UNKL: variants seen among roughly 807,000 people sequenced by gnomAD.
UNKL encodes putative E3 ubiquitin-protein ligase UNKL.
Under a neutral mutation model 78.0 loss-of-function variants are expected in UNKL, and 60 were observed. That is an observed-to-expected ratio of 0.77 (90% confidence interval 0.63 to 0.95). The LOEUF is 0.95. Ranked by LOEUF, UNKL falls within the 40% of genes least tolerant of loss-of-function variation. UNKL has a pLI of 0.00. For missense variants in UNKL, 1,159 were observed against 1,045.7 expected (o/e 1.11, Z -1.49); for synonymous variants, 608 against 474.8 (o/e 1.28, Z -3.65).
intron 2 of UNKL, among the ~76,000 whole-genome samples, chr16:1,410,821 A>T (rs1467095221): frequency 6.6e-6 from 1 of 152,216 alleles, no homozygotes; most frequent in Non-Finnish European, 1.5e-5. Flanking sequence ...ATTTGCGGAA[A>T]ACAGTGGCTT....
At chr16:1,407,098 G>A (rs1297839541) in intron 2 of UNKL, among the ~76,000 whole-genome samples, 2 of 151,118 alleles carry the variant, frequency 1.3e-5, no homozygotes, top group African/African-American at 4.9e-5. Flanking sequence ...GCAGTGAGCC[G>A]AGATCGTGTC....
At position 1,370,093 on chromosome 16, in the gene UNKL, T is replaced by C. The variant is rs111469717; in HGVS notation, c.1585+37A>G. On this transcript the variant is annotated intron_variant, in intron 12 of 14. Transcript: ENST00000389221. Reference sequence around the variant, plus strand: ...TCTGGGAGGGAGCCCCACGGAGGCTTCACGGCAACGCCAGCATGGAGGGAG... The same window carrying C: ...TCTGGGAGGGAGCCCCACGGAGGCTCCACGGCAACGCCAGCATGGAGGGAG... The C allele has an allele frequency of 8.6e-5, 133 of 1,543,486 alleles. No homozygotes were observed. In the African/African-American group the frequency reaches 1.7e-3, roughly 20 times the overall value.
intron 11 of UNKL, among the ~76,000 whole-genome samples, chr16:1,371,217 G>A (rs2035808076): frequency 1.3e-5 from 2 of 152,324 alleles, no homozygotes; most frequent in South Asian, 4.1e-4. Context: ...CCACTTTGCT[G>A]GGACAAAGGT....
chr16:1,376,999 G>A (rs1021428842), intron 10 of UNKL, among the ~76,000 whole-genome samples: 8 of 151,920 alleles, frequency 5.3e-5, no homozygotes, highest in African/African-American at 1.9e-4. Context: ...GACGCCTGGG[G>A]TTCAGGTGCA....
At chr16:1,390,079 C>T (rs1248553047) in intron 9 of UNKL, among the ~76,000 whole-genome samples, 2 of 152,152 alleles carry the variant, frequency 1.3e-5, no homozygotes, top group Admixed American at 6.5e-5. Context: ...CTCCACCTCC[C>T]GGCTTCAAGC....
In UNKL at chr16:1,403,474, T is replaced by G. The variant is rs1596758235; in HGVS notation, c.288-130A>C. 8.6e-7 allele frequency: 1 copy of G among 1,161,978 alleles called. No individual in the cohort carries two copies. The highest frequency in any genetic ancestry group is 2.6e-5 in the East Asian group (1 of 38,812). The allele number at this position is 1,161,978 out of a possible 1,614,324, so 72.0% of individuals were successfully genotyped here. ...CTTCCCTTCTTCCAGATTCCTGTTC[T>G]AATCAGAAGGACGGACACACTGGAC... On this transcript the variant is annotated intron_variant, in intron 2 of 14. Coordinates refer to ENST00000389221, the MANE Select transcript of UNKL (RefSeq NM_001372107.1). This position sits in a 1 kb window ranked among gnomAD's most constrained non-coding sequence, Gnocchi z 4.8.
At chr16:1,398,504 G>A in intron 5 of UNKL, 2 of 1,272,462 alleles carry the variant, frequency 1.6e-6, no homozygotes, top group Non-Finnish European at 2.0e-6. Context: ...ATAACAACAA[G>A]GAGTGGGGCG....
chr16:1,409,375 C>G (rs992644724), intron 2 of UNKL, among the ~76,000 whole-genome samples: 4 of 148,026 alleles, frequency 2.7e-5, no homozygotes, highest in African/African-American at 1.0e-4. Context: ...ATGAGAAAGT[C>G]CCACTCCCGT....
chr16:1,393,100 TGCGGCAGA>T lies in UNKL; in HGVS notation c.938-132_938-125del, dbSNP rs1398397596. On this transcript the variant is annotated intron_variant, in intron 7 of 14. Coordinates refer to ENST00000389221, the MANE Select transcript of UNKL (RefSeq NM_001372107.1). Reference sequence around the variant, plus strand: ...CCTCGTCACAATCATCCCTCAGGGGTGCGGCAGAGGACGGCTGGGCAGTGGTGGGGACA... The same window carrying T: ...CCTCGTCACAATCATCCCTCAGGGGTGGACGGCTGGGCAGTGGTGGGGACA... 6 of 1,035,374 alleles carry T rather than the reference TGCGGCAGA, an allele frequency of 5.8e-6. No individual in the cohort carries two copies. The Admixed American group carries it at 6.1e-5, about 11-fold the overall frequency. 64.1% of individuals were successfully genotyped at this position (1,035,374 alleles called of 1,614,324 possible). A position where few individuals can be genotyped will look rare whatever the true frequency, so the allele number is the denominator to read the frequency against.
intron 9 of UNKL, among the ~76,000 whole-genome samples, chr16:1,388,062 G>T (rs970723646): frequency 6.6e-6 from 1 of 152,182 alleles, no homozygotes; most frequent in South Asian, 2.1e-4. Flanking sequence ...AGGCCCAGAG[G>T]CCACCTCCCA....
intron 10 of UNKL, among the ~76,000 whole-genome samples, chr16:1,384,506 T>G (rs2036733208): frequency 6.6e-6 from 1 of 151,984 alleles, no homozygotes; most frequent in African/African-American, 2.4e-5. Context: ...CCAGCCCAGG[T>G]GCTCACAGCT....
In UNKL at chr16:1,414,640, G is replaced by C. The variant is rs867486281; in HGVS notation, c.52C>G (p.Gln18Glu). 8.8e-7 allele frequency: 1 copy of C among 1,129,980 alleles called. No homozygotes were observed. Among genetic ancestry groups the C allele is most frequent in the Admixed American group, 4.5e-5 (1 of 22,300 alleles). 70.0% of individuals were successfully genotyped at this position (1,129,980 alleles called of 1,614,324 possible). Reference protein sequence around the residue: ...AAAALSGSPPQTEKPTHYRYL... With the variant: ...AAAALSGSPPETEKPTHYRYL... The stretch of plus-strand genomic sequence containing the variant: ...CTGTAGTGGGTCGGCTTCTCAGTCT[G>C]CGGGGGGGACCCGCTCAGCGCCGCT... The change falls in exon 1 of 15, where the codon CAG (glutamine) becomes GAG (glutamate). Residue 18 changes from glutamine to glutamate, a missense_variant. By Grantham distance (29) the Gln-to-Glu change is conservative. Coordinates refer to ENST00000389221, the MANE Select transcript of UNKL (RefSeq NM_001372107.1).
At chr16:1,380,167 C>T (rs1015346264) in intron 10 of UNKL, among the ~76,000 whole-genome samples, 2 of 152,246 alleles carry the variant, frequency 1.3e-5, no homozygotes, top group African/African-American at 4.8e-5. Context: ...TGGAACCTAT[C>T]AGATGGGTCT....
At chr16:1,413,363 G>A (rs1276908212) in intron 2 of UNKL, among the ~76,000 whole-genome samples, 2 of 151,596 alleles carry the variant, frequency 1.3e-5, no homozygotes, top group East Asian at 3.9e-4. Flanking sequence ...GAGGTTGGGA[G>A]TTCGAGACAA....
chr16:1,414,660 G>A lies in UNKL; in HGVS notation c.32C>T (p.Ala11Val), dbSNP rs1426163730. 2 of 1,147,470 alleles carry A rather than the reference G, an allele frequency of 1.7e-6. No individual in the cohort carries two copies. Among genetic ancestry groups the A allele is most frequent in the Non-Finnish European group, 2.2e-6 (2 of 922,116 alleles). The allele number at this position is 1,147,470 out of a possible 1,614,324, so 71.1% of individuals were successfully genotyped here. A position where few individuals can be genotyped will look rare whatever the true frequency, so the allele number is the denominator to read the frequency against. MPSVSKAAAA[A>V]LSGSPPQTEK... ...AGTCTGCGGGGGGGACCCGCTCAGC[G>A]CCGCTGCCGCCGCTTTCGAAACCGA... The change falls in exon 1 of 15, where the codon GCG becomes GTG. Residue 11 changes from alanine to valine, a missense_variant. Transcript: ENST00000389221.
intron 12 of UNKL, among the ~76,000 whole-genome samples, chr16:1,368,399 G>A (rs1477130920): frequency 2.0e-5 from 3 of 151,216 alleles, no homozygotes; most frequent in East Asian, 3.9e-4. Context: ...TCAGGAGATC[G>A]AGACCATCCT....
rs1362478282 is a variant in UNKL, at chr16:1,392,948, G to T, written c.966C>A (p.Gly322=). The T allele has an allele frequency of 6.4e-7, 1 of 1,550,578 alleles. No individual in the cohort carries two copies. The highest frequency in any genetic ancestry group is 2.4e-5 in the East Asian group (1 of 40,926). ...EKSLGMVNEW[G]CHDLHLTSPS... ...GACTCGTGAGGTGGAGGTCGTGACA[G>T]CCCCATTCATTCACCATCCCCAGGC... Residue 322 remains glycine, a synonymous_variant, in exon 8 of 15, where the codon GGC becomes GGA. Transcript: ENST00000389221.
In UNKL at chr16:1,399,057, G is replaced by GA. The variant is rs2037400228; in HGVS notation, c.734+316_734+317insT. The GA allele has an allele frequency of 5.0e-6, 7 of 1,398,288 alleles. No homozygotes were observed. The highest frequency in any genetic ancestry group is 1.4e-5 in the African/African-American group (1 of 69,128). 86.6% of individuals were successfully genotyped at this position (1,398,288 alleles called of 1,614,324 possible). A position where few individuals can be genotyped will look rare whatever the true frequency, so the allele number is the denominator to read the frequency against. Reference sequence around the variant, plus strand: ...AGCGTGGCTGCAACCAGAGGCACGGGTGGGGCACACGGGGGTCCCAGCTGG... The same window carrying GA: ...AGCGTGGCTGCAACCAGAGGCACGGGATGGGGCACACGGGGGTCCCAGCTGG... On this transcript the variant is annotated intron_variant, in intron 5 of 14. Coordinates refer to ENST00000389221, the MANE Select transcript of UNKL (RefSeq NM_001372107.1). The surrounding 1 kb of genome is among the most constrained non-coding windows in gnomAD (Gnocchi z 5.8).
chr16:1,370,337 A>T lies in UNKL; in HGVS notation c.1378T>A (p.Ser460Thr). The change falls in exon 12 of 15, where the codon TCT (serine) becomes ACT (threonine). Residue 460 changes from serine (S) to threonine (T), a missense_variant. By Grantham distance (58) the Ser-to-Thr change is moderately conservative. Coordinates refer to ENST00000389221, the MANE Select transcript of UNKL (RefSeq NM_001372107.1). ...GAGCCGGGGATGGCGACAGGTGCAG[A>T]GCCGGCCAGCGACCTGGGACCTGGC... Reference protein sequence around the residue: ...GAAGPRSLAGSAPVAIPGSLP... With the variant: ...GAAGPRSLAGTAPVAIPGSLP... 6.5e-7 allele frequency: 1 copy of T among 1,532,136 alleles called. No homozygotes were observed. Among genetic ancestry groups the T allele is most frequent in the Non-Finnish European group, 8.7e-7 (1 of 1,145,700 alleles). 94.9% of individuals were successfully genotyped at this position (1,532,136 alleles called of 1,614,324 possible). A position where few individuals can be genotyped will look rare whatever the true frequency, so the allele number is the denominator to read the frequency against.
Sources: allele counts gnomAD v4.1 joint callset (sites outside exome capture counted in the v4.1 genomes callset), GRCh38; gene constraint gnomAD v4.1.1; non-coding constraint Gnocchi (gnomAD v3.1); transcripts MANE v1.5; gene names NCBI Gene and HGNC (gene_info 2026-07-23, HGNC 2026-07-21).